KCNQ5: variants seen among roughly 807,000 people sequenced by gnomAD.
KCNQ5 encodes potassium voltage-gated channel subfamily KQT member 5.
A neutral mutation model predicts 98.2 loss-of-function variants in KCNQ5; 30 were observed. The observed-to-expected ratio is 0.31, with a 90% CI of 0.23 to 0.41. The LOEUF is 0.41. Ranked by LOEUF, KCNQ5 falls within the 10% of genes least tolerant of loss-of-function variation. The pLI is 1.00. For missense variants in KCNQ5, 835 were observed against 1,182.5 expected, an observed-to-expected ratio of 0.71 and a Z score of 4.31; for synonymous variants, 458 against 449.4, an observed-to-expected ratio of 1.02 and a Z score of -0.24.
At chr6:73,191,463 C>T (rs1418873795) in intron 12 of KCNQ5, among the ~76,000 whole-genome samples, 1 of 152,142 alleles carries the variant, frequency 6.6e-6, no homozygotes, top group Non-Finnish European at 1.5e-5. Context: ...TATCTCAAAG[C>T]CAAAATATTC....
intron 11 of KCNQ5, among the ~76,000 whole-genome samples, chr6:73,184,692 C>T (rs1778506047): frequency 6.6e-6 from 1 of 152,158 alleles, no homozygotes; most frequent in South Asian, 2.1e-4. Context: ...AGAGAAAGAC[C>T]ATCTACCCCA....
chr6:72,955,350 G>A (rs1321072304), intron 1 of KCNQ5, among the ~76,000 whole-genome samples: 2 of 152,152 alleles, frequency 1.3e-5, no homozygotes, highest in Non-Finnish European at 2.9e-5. Flanking sequence ...CCTGCTTAAA[G>A]TTAATGCAAA....
chr6:72,694,098 T>C (rs1768357442), intron 1 of KCNQ5, among the ~76,000 whole-genome samples: 1 of 152,214 alleles, frequency 6.6e-6, no homozygotes, highest in African/African-American at 2.4e-5. Context: ...TGTTTTAAGC[T>C]ACAGGGTCAC....
intron 11 of KCNQ5, among the ~76,000 whole-genome samples, chr6:73,182,460 G>T (rs1778435824): frequency 6.6e-6 from 1 of 152,076 alleles, no homozygotes; most frequent in African/African-American, 2.4e-5. Context: ...TGAGAACTAA[G>T]CATGAAACCA....
chr6:73,034,830 G>C (rs1053972518), intron 2 of KCNQ5, among the ~76,000 whole-genome samples: 94 of 139,616 alleles, frequency 6.7e-4, no homozygotes, highest in Admixed American at 2.3e-3. Context: ...CTCTACCACT[G>C]CCTCTTTTCT....
At chr6:73,075,223 CACT>C in intron 3 of KCNQ5, among the ~76,000 whole-genome samples, 1 of 85,540 alleles carries the variant, frequency 1.2e-5, no homozygotes, top group East Asian at 3.4e-4. Context: ...CGTATAGTCT[CACT>C]TTTTTTTTTT....
chr6:73,064,758 A>T (rs1355500433), intron 3 of KCNQ5, among the ~76,000 whole-genome samples: 1 of 152,218 alleles, frequency 6.6e-6, no homozygotes, highest in Non-Finnish European at 1.5e-5. Flanking sequence ...CTAAAGCATC[A>T]GAAAATACAC....
intron 1 of KCNQ5, among the ~76,000 whole-genome samples, chr6:72,715,980 A>G (rs1004607405): frequency 2.0e-5 from 3 of 152,150 alleles, no homozygotes; most frequent in Admixed American, 6.5e-5. Flanking sequence ...TAAGCTTTCT[A>G]CTTATGCCAG....
At position 73,192,681 on chromosome 6, in the gene KCNQ5, T is replaced by C; in HGVS notation, c.1826T>C (p.Val609Ala). The C allele has an allele frequency of 6.3e-7, 1 of 1,587,362 alleles. No homozygotes were observed. ...DLSMLGRVVK[V>A]EKQVQSIESK... ...AGTATGCTCGGTCGGGTGGTCAAGG[T>C]TGAAAAACAGGTACAACTCAACTAC... Residue 609 changes from valine (V) to alanine (A), a missense_variant, in exon 13 of 14, where the codon GTT becomes GCT. By Grantham distance (64) the Val-to-Ala change is moderately conservative (BLOSUM62 0). This residue lies in a region of KCNQ5 where 416 missense variants were observed against 446.9 expected (regional missense o/e 0.93). Coordinates refer to ENST00000370398, the MANE Select transcript of KCNQ5 (RefSeq NM_019842.4).
chr6:73,028,696 T>C (rs1771000610), intron 2 of KCNQ5, among the ~76,000 whole-genome samples: 1 of 152,232 alleles, frequency 6.6e-6, no homozygotes, highest in Non-Finnish European at 1.5e-5. Flanking sequence ...TAGACAGTTA[T>C]TTTTGCCCAG....
chr6:73,182,894 C>A (rs1322193935), intron 11 of KCNQ5, among the ~76,000 whole-genome samples: 3 of 152,106 alleles, frequency 2.0e-5, no homozygotes, highest in South Asian at 2.1e-4. Flanking sequence ...GTAAAGTAAG[C>A]AGACAGCCCC....
At chr6:73,046,638 A>ATTTTATTTT (rs1322453623) in intron 3 of KCNQ5, among the ~76,000 whole-genome samples, 3 of 146,132 alleles carry the variant, frequency 2.1e-5, no homozygotes, top group Non-Finnish European at 3.0e-5. Context: ...ATTTTATTTT[A>ATTTTATTTT]TTTTATTTTA....
chr6:73,120,214 C>T (rs1454868007), intron 7 of KCNQ5, among the ~76,000 whole-genome samples: 1 of 152,020 alleles, frequency 6.6e-6, no homozygotes, highest in Non-Finnish European at 1.5e-5. Context: ...CCACTGCACT[C>T]CAGCCTGGGC....
At chr6:73,124,642 G>C (rs1047440547) in intron 9 of KCNQ5, 130 bp downstream of exon 9, 6 of 834,984 alleles carry the variant, frequency 7.2e-6, no homozygotes, top group African/African-American at 6.9e-5. Context: ...TCACAAGATT[G>C]CCTGCAAAGA....
chr6:73,149,783 G>A (rs1253890602), intron 10 of KCNQ5, among the ~76,000 whole-genome samples: 1 of 144,834 alleles, frequency 6.9e-6, no homozygotes, highest in Non-Finnish European at 1.5e-5. Flanking sequence ...GGCGACAGTG[G>A]GAGACTCCGA....
intron 2 of KCNQ5, among the ~76,000 whole-genome samples, chr6:73,029,842 C>T (rs1482812769): frequency 2.3e-5 from 3 of 131,720 alleles, no homozygotes; most frequent in African/African-American, 8.4e-5. Context: ...ACCTGGGAGG[C>T]GGAGCTTGCA....
chr6:72,921,972 T>A (rs887394641), intron 1 of KCNQ5, among the ~76,000 whole-genome samples: 2 of 152,218 alleles, frequency 1.3e-5, no homozygotes, highest in Non-Finnish European at 2.9e-5. Context: ...ATACAGTTAA[T>A]GAATGTTCCT....
At position 73,120,520 on chromosome 6, in the gene KCNQ5, T is replaced by C; in HGVS notation, c.1163T>C (p.Val388Ala). 1.9e-6 allele frequency: 3 copies of C among 1,612,372 alleles called. No homozygotes were observed. Among genetic ancestry groups the C allele is most frequent in the Non-Finnish European group, 2.5e-6 (3 of 1,178,864 alleles). ...WRSYAADEKS[V>A]SIATWKPHLK... Reference sequence around the variant, plus strand: ...AGTTACGCAGCTGATGAGAAATCTGTTTCCATTGCAACCTGGAAGCCACAC... The same window carrying C: ...AGTTACGCAGCTGATGAGAAATCTGCTTCCATTGCAACCTGGAAGCCACAC... The change falls in exon 8 of 14, where the codon GTT (valine) becomes GCT (alanine). Residue 388 changes from valine (V) to alanine (A), a missense_variant. Val to Ala is a moderately conservative substitution (Grantham distance 64, BLOSUM62 0). Around this residue, in one of 10 missense-constraint regions of KCNQ5, gnomAD observed 146 missense variants for 256.7 expected, o/e 0.57. Coordinates refer to ENST00000370398, the MANE Select transcript of KCNQ5 (RefSeq NM_019842.4).
intron 10 of KCNQ5, chr6:73,133,911 T>G (rs1420983303): frequency 1.7e-6 from 1 of 579,186 alleles, no homozygotes; most frequent in Admixed American, 2.2e-5. Context: ...TCTACAAATT[T>G]ATTTCTCAGA....
Sources: gnomAD v4.1 joint callset for allele counts (sites outside exome capture counted in the v4.1 genomes callset) on GRCh38, gnomAD v4.1.1 for gene constraint, gnomAD v4.1.1 regional missense constraint, MANE v1.5 for transcripts, NCBI Gene and HGNC (gene_info 2026-07-23, HGNC 2026-07-21) for gene names.